Variants in ULK4 observed in about 807,000 individuals in gnomAD.
ULK4 encodes the protein unc-51 like kinase 4, also known as inactive serine/threonine-protein kinase ULK4.
A neutral mutation model predicts 160.6 loss-of-function variants in ULK4; 133 were observed. The observed-to-expected ratio is 0.83, with a 90% confidence interval of 0.72 to 0.96. ULK4 has a LOEUF of 0.96. Ranked by LOEUF, ULK4 falls within the 40% of genes least tolerant of loss-of-function variation. The probability of loss-of-function intolerance (pLI) is 0.00; values close to 1 mark genes in which losing one functional copy is unlikely to be tolerated. For missense variants in ULK4, 1,580 were observed against 1,499.5 expected, an observed-to-expected ratio of 1.05 and a Z score of -0.89; for synonymous variants, 534 against 539.8, an observed-to-expected ratio of 0.99 and a Z score of 0.15.
chr3:41,774,700 T>G (rs2039536658), intron 21 of ULK4, among the ~76,000 whole-genome samples: 1 of 150,340 alleles, frequency 6.7e-6, no homozygotes, highest in South Asian at 2.1e-4. Context: ...AAATACCATT[T>G]GACCCAGCCA....
chr3:41,260,291 T>G (rs1019271379), intron 35 of ULK4, among the ~76,000 whole-genome samples: 5 of 152,218 alleles, frequency 3.3e-5, no homozygotes, highest in African/African-American at 1.2e-4. Flanking sequence ...ATTTTCTACC[T>G]GGTGTTGCAG....
chr3:41,498,493 A>G (rs1037131798), intron 32 of ULK4, among the ~76,000 whole-genome samples: 9 of 152,356 alleles, frequency 5.9e-5, no homozygotes, highest in Admixed American at 5.2e-4. Flanking sequence ...CAAAGTAAAT[A>G]GAAGATATGA....
intron 32 of ULK4, among the ~76,000 whole-genome samples, chr3:41,463,544 G>C (rs1274463116): frequency 6.6e-6 from 1 of 152,150 alleles, no homozygotes; most frequent in African/African-American, 2.4e-5. Context: ...AGGCTTCACA[G>C]GGTCTGAGGA....
chr3:41,802,959 G>C (rs1318404622), intron 19 of ULK4, among the ~76,000 whole-genome samples: 1 of 152,166 alleles, frequency 6.6e-6, no homozygotes, highest in Admixed American at 6.5e-5. Flanking sequence ...AAGGTCAGGA[G>C]TTCAAGACCA....
rs1421120687 is a variant in ULK4 at position 41,954,192 on chromosome 3, A to AG, written c.138+429_138+430insC. Reference sequence around the variant, plus strand: ...ACTCCGTCTTAAAAAAAAAAAAAAAAAAAGAAAAATACAAAAAATTAGCCA... The same window carrying AG: ...ACTCCGTCTTAAAAAAAAAAAAAAAAGAAAGAAAAATACAAAAAATTAGCCA... On this transcript the variant is annotated intron_variant, in intron 2 of 36. Transcript: ENST00000301831. Among the ~76,000 whole-genome samples the AG allele has an allele frequency of 7.4e-5, 11 of 148,908 alleles. No individual in the cohort carries two copies. The East Asian group carries it at 2.1e-3, about 28-fold the overall frequency.
intron 31 of ULK4, among the ~76,000 whole-genome samples, chr3:41,569,692 C>G (rs2087904005): frequency 6.6e-6 from 1 of 152,162 alleles, no homozygotes; most frequent in Non-Finnish European, 1.5e-5. Flanking sequence ...GCCTTTTACA[C>G]CGTGTCCTCT....
chr3:41,337,701 T>G (rs866690422), intron 35 of ULK4, among the ~76,000 whole-genome samples: 8 of 152,196 alleles, frequency 5.3e-5, no homozygotes, highest in Admixed American at 1.3e-4. Flanking sequence ...CCTCATTTCA[T>G]AAGATGGAAT....
intron 2 of ULK4, among the ~76,000 whole-genome samples, chr3:41,939,793 A>T (rs1157513103): frequency 6.6e-6 from 1 of 152,038 alleles, no homozygotes; most frequent in East Asian, 1.9e-4. Flanking sequence ...TTACCGCTTG[A>T]GCTCGCCTCC....
intron 30 of ULK4, among the ~76,000 whole-genome samples, chr3:41,632,224 G>T (rs1364027540): frequency 6.6e-6 from 1 of 152,174 alleles, no homozygotes; most frequent in Non-Finnish European, 1.5e-5. Context: ...CAGTGGCAGA[G>T]ACCAAAGGCA....
intron 29 of ULK4, among the ~76,000 whole-genome samples, chr3:41,669,299 G>A (rs1405068534): frequency 6.6e-6 from 1 of 152,112 alleles, no homozygotes; most frequent in South Asian, 2.1e-4. Flanking sequence ...AGGCTGGAGT[G>A]CAGTGGCAAG....
intron 19 of ULK4, among the ~76,000 whole-genome samples, chr3:41,815,762 AT>A (rs1287359507): frequency 6.6e-6 from 1 of 151,900 alleles, no homozygotes; most frequent in African/African-American, 2.4e-5. Context: ...TCACTTGACT[AT>A]TTTTATTTTT....
At chr3:41,539,137 C>A (rs2086612965) in intron 32 of ULK4, among the ~76,000 whole-genome samples, 1 of 149,960 alleles carries the variant, frequency 6.7e-6, no homozygotes, top group African/African-American at 2.5e-5. Flanking sequence ...TTTATAGAAA[C>A]AAATCCACAT....
At chr3:41,754,081 GGGGATTACA>G (rs1221842578) in intron 22 of ULK4, among the ~76,000 whole-genome samples, 3 of 152,202 alleles carry the variant, frequency 2.0e-5, no homozygotes, top group South Asian at 2.1e-4. Context: ...CTTGACACGT[GGGGATTACA>G]GGGATTATAA....
chr3:41,879,210 G>A (rs1575873937), intron 17 of ULK4, among the ~76,000 whole-genome samples: 1 of 152,080 alleles, frequency 6.6e-6, no homozygotes, highest in Non-Finnish European at 1.5e-5. Context: ...CTGGGTATTA[G>A]ATGATATTCA....
At chr3:41,546,808 G>A (rs1338587994) in intron 32 of ULK4, among the ~76,000 whole-genome samples, 2 of 142,188 alleles carry the variant, frequency 1.4e-5, no homozygotes, top group South Asian at 2.4e-4. Flanking sequence ...GTGAACACAA[G>A]TTTCACCTCA....
Position 41,397,393 on chromosome 3 carries a change from C to A in ULK4, c.3678+686G>T, listed in dbSNP as rs577333593. On this transcript the variant is annotated intron_variant, in intron 35 of 36. Coordinates refer to ENST00000301831, the MANE Select transcript of ULK4 (RefSeq NM_017886.4). ...ACTACAAAATAATAATAACTAACTA[C>A]ACATTGATTAAACCAAGTGATCAAA... is the stretch of plus-strand genomic sequence containing the variant. Among the ~76,000 whole-genome samples, 13 of 152,158 alleles carry A rather than the reference C, an allele frequency of 8.5e-5. No homozygotes were observed. The South Asian group carries it at 2.3e-3, about 27-fold the overall frequency.
At chr3:41,402,550 A>T (rs1409769832) in intron 34 of ULK4, among the ~76,000 whole-genome samples, 1 of 152,172 alleles carries the variant, frequency 6.6e-6, no homozygotes, top group East Asian at 1.9e-4. Context: ...CTAGTTTGAT[A>T]ACTTTTTACC....
At chr3:41,661,286 A>G (rs2035147207) in intron 30 of ULK4, among the ~76,000 whole-genome samples, 1 of 152,196 alleles carries the variant, frequency 6.6e-6, no homozygotes, top group South Asian at 2.1e-4. Context: ...AGATCTCCAA[A>G]TCATTTTGAT....
intron 32 of ULK4, among the ~76,000 whole-genome samples, chr3:41,478,310 A>G (rs1045866706): frequency 1.3e-5 from 2 of 152,242 alleles, no homozygotes; most frequent in Non-Finnish European, 2.9e-5. Flanking sequence ...GACTTCTCAA[A>G]TAAGACAGAA....
Sources: gnomAD v4.1 joint callset for allele counts (sites outside exome capture counted in the v4.1 genomes callset) on GRCh38, gnomAD v4.1.1 for gene constraint, MANE v1.5 for transcripts, NCBI Gene and HGNC (gene_info 2026-07-23, HGNC 2026-07-21) for gene names.